The following HHAT variants were observed in gnomAD, a reference collection of about 807,000 sequenced individuals.
HHAT encodes the protein hedgehog acyltransferase.
Under a neutral mutation model 70.8 loss-of-function variants are expected in HHAT, and 47 were observed. The ratio of observed to expected loss-of-function variants is 0.66; its 90% CI spans 0.53 to 0.85. HHAT has a LOEUF of 0.85. HHAT is among the 40% of genes least tolerant of loss of function. The pLI is 0.00. For missense variants in HHAT, 609 were observed against 604.8 expected (o/e 1.01, Z -0.07); for synonymous variants, 228 against 247.6 (o/e 0.92, Z 0.74).
At chr1:210,330,977 C>A (rs1342845390) in intron 1 of HHAT, among the ~76,000 whole-genome samples, 1 of 152,000 alleles carries the variant, frequency 6.6e-6, no homozygotes, top group Non-Finnish European at 1.5e-5. Flanking sequence ...CCACATCTGG[C>A]TAATTTTTGT....
In HHAT at chr1:210,675,465, A is replaced by T. The variant is rs369810338; in HGVS notation, c.*1086A>T. 1 of 148,080 alleles carries T rather than the reference A, an allele frequency of 6.8e-6. No individual in the cohort carries two copies. Among genetic ancestry groups the T allele is most frequent in the African/African-American group, 2.5e-5 (1 of 40,170 alleles). The allele number at this position is 148,080 out of a possible 1,614,324, so 9.2% of individuals were successfully genotyped here. A position where few individuals can be genotyped will look rare whatever the true frequency, so the allele number is the denominator to read the frequency against. On this transcript the variant is annotated 3_prime_UTR_variant, in exon 12 of 12. Transcript: ENST00000261458. The stretch of plus-strand genomic sequence containing the variant: ...ATTCAGAAGACTTGTTTGAATTTGG[A>T]TTTTTTTTTTTTTTGGAGTGGGGAA...
At chr1:210,478,218 T>C (rs2094335370) in intron 8 of HHAT, among the ~76,000 whole-genome samples, 1 of 152,192 alleles carries the variant, frequency 6.6e-6, no homozygotes, top group Non-Finnish European at 1.5e-5. Context: ...TGGTTTTATA[T>C]GTTATGTTTT....
Position 210,529,821 on chromosome 1 carries a change from C to CCTCA in HHAT, c.1043+16634_1043+16637dup, listed in dbSNP as rs1046513593. Among the ~76,000 whole-genome samples, 33 of 152,306 alleles carry CCTCA rather than the reference C, an allele frequency of 2.2e-4. 1 individual carries two copies. Among genetic ancestry groups the CCTCA allele is most frequent in the African/African-American group, 7.5e-4 (31 of 41,572 alleles). On this transcript the variant is annotated intron_variant, in intron 9 of 11. Coordinates refer to ENST00000261458, the MANE Select transcript of HHAT (RefSeq NM_018194.6). ...CCAGAAGCGGAGTGAACTGGAGGGG[C>CCTCA]CTCAGGGAGCAATGGTCTCCCAGCC...
intron 10 of HHAT, among the ~76,000 whole-genome samples, chr1:210,600,406 T>G (rs535924283): frequency 2.0e-5 from 3 of 152,152 alleles, no homozygotes; most frequent in African/African-American, 7.2e-5. Context: ...TTATTGAGTA[T>G]TGGGGGACTA....
At chr1:210,515,796 AGT>A (rs1232110496) in intron 9 of HHAT, among the ~76,000 whole-genome samples, 5 of 142,194 alleles carry the variant, frequency 3.5e-5, no homozygotes, top group Non-Finnish European at 6.1e-5. Flanking sequence ...AGCCAGGTGC[AGT>A]GGCTCATGCC....
At chr1:210,574,752 C>T (rs982903663) in intron 9 of HHAT, among the ~76,000 whole-genome samples, 1 of 152,330 alleles carries the variant, frequency 6.6e-6, no homozygotes, top group East Asian at 1.9e-4. Flanking sequence ...ACACCACAAA[C>T]CCAGATGAGG....
At chr1:210,377,113 CT>C (rs1379563039) in intron 3 of HHAT, among the ~76,000 whole-genome samples, 4 of 152,168 alleles carry the variant, frequency 2.6e-5, no homozygotes, top group African/African-American at 9.7e-5. Context: ...CCCCAACAGG[CT>C]GGGGATCTTT....
intron 9 of HHAT, among the ~76,000 whole-genome samples, chr1:210,540,461 A>G (rs1355965733): frequency 7.2e-5 from 10 of 138,772 alleles, no homozygotes; most frequent in Admixed American, 5.0e-4. Context: ...ACACACACAC[A>G]CACACACACG....
rs185020826 is a variant in HHAT at position 210,562,887 on chromosome 1, T to A, written c.1044-25011T>A. Among the ~76,000 whole-genome samples, 436 of 145,070 alleles carry A rather than the reference T, an allele frequency of 3.0e-3. 2 individuals are homozygous for A. Among genetic ancestry groups the A allele is most frequent in the Non-Finnish European group, 5.4e-3 (361 of 66,738 alleles). On this transcript the variant is annotated intron_variant, in intron 9 of 11. Transcript: ENST00000261458. ...GTTCTCATTGTTCAATTCCCACCTATGAGTGAGAACATGCGGTGTTTGGTT... is the reference window on the plus strand; with the variant it reads ...GTTCTCATTGTTCAATTCCCACCTAAGAGTGAGAACATGCGGTGTTTGGTT...
intron 10 of HHAT, among the ~76,000 whole-genome samples, chr1:210,601,366 G>A (rs79540821): frequency 0.015 from 2,215 of 152,214 alleles, 65 homozygotes; most frequent in African/African-American, 0.05. Flanking sequence ...CCCCAACTAA[G>A]CCTCTGAGGG....
chr1:210,479,489 G>A (rs1326735288), intron 8 of HHAT, among the ~76,000 whole-genome samples: 1 of 152,162 alleles, frequency 6.6e-6, no homozygotes, highest in Non-Finnish European at 1.5e-5. Flanking sequence ...AGTCGGAGAA[G>A]GCCTTGTTTT....
chr1:210,363,071 TG>T (rs2088531033), intron 3 of HHAT, 152 bp downstream of exon 3: 1 of 671,702 alleles, frequency 1.5e-6, no homozygotes, highest in African/African-American at 1.8e-5. Flanking sequence ...TGTGCTGTGT[TG>T]GGGAAGGCGT....
At chr1:210,529,359 C>T (rs908905359) in intron 9 of HHAT, among the ~76,000 whole-genome samples, 2 of 151,408 alleles carry the variant, frequency 1.3e-5, no homozygotes, top group African/African-American at 2.4e-5. Flanking sequence ...TGTTGTTAAG[C>T]TGATGTACAT....
intron 7 of HHAT, among the ~76,000 whole-genome samples, chr1:210,440,107 G>T (rs1263424478): frequency 6.6e-6 from 1 of 151,836 alleles, no homozygotes; most frequent in Non-Finnish European, 1.5e-5. Context: ...AGGAATTGGA[G>T]CCTGTCATTC....
chr1:210,387,024 A>G (rs947606250), intron 3 of HHAT, among the ~76,000 whole-genome samples: 8 of 152,216 alleles, frequency 5.3e-5, no homozygotes, highest in African/African-American at 1.9e-4. Context: ...TTCTCAGTGA[A>G]AATATCTAGT....
Position 210,635,477 on chromosome 1 carries a change from T to C in HHAT, c.1390+11807T>C, listed in dbSNP as rs549578610. On this transcript the variant is annotated intron_variant, in intron 11 of 11. Transcript: ENST00000261458. ...CTTTGAAAGATCTATCTAGAGGTCA[T>C]GTGAAGGGGAGCAGTACTAGGCGCA... is the stretch of plus-strand genomic sequence containing the variant. Among the ~76,000 whole-genome samples the C allele has an allele frequency of 7.9e-5, 12 of 152,130 alleles. No homozygotes were observed. In the South Asian group the frequency reaches 8.3e-4, roughly 11 times the overall value.
intron 11 of HHAT, among the ~76,000 whole-genome samples, chr1:210,657,907 TG>T (rs1676790954): frequency 6.6e-6 from 1 of 152,158 alleles, no homozygotes; most frequent in South Asian, 2.1e-4. Context: ...TGCACAGGCT[TG>T]GAAAATGAGG....
At chr1:210,602,892 C>A (rs1002360211) in intron 10 of HHAT, among the ~76,000 whole-genome samples, 3 of 152,118 alleles carry the variant, frequency 2.0e-5, no homozygotes, top group Non-Finnish European at 4.4e-5. Context: ...GAATTGGAAG[C>A]CTGAATCTTA....
At chr1:210,526,960 A>G (rs1468754762) in intron 9 of HHAT, among the ~76,000 whole-genome samples, 1 of 152,150 alleles carries the variant, frequency 6.6e-6, no homozygotes, top group African/African-American at 2.4e-5. Flanking sequence ...TTGTCCTGAT[A>G]CTTGATCTTT....
Sources: gnomAD v4.1 joint callset for allele counts (sites outside exome capture counted in the v4.1 genomes callset) on GRCh38, gnomAD v4.1.1 for gene constraint, MANE v1.5 for transcripts, NCBI Gene and HGNC (gene_info 2026-07-23, HGNC 2026-07-21) for gene names.